ZDBF2: variants seen among roughly 807,000 people sequenced by gnomAD.
ZDBF2 encodes the protein DBF4-type zinc finger-containing protein 2.
Under a neutral mutation model 9.4 loss-of-function variants are expected in ZDBF2, and 6 were observed. The observed-to-expected ratio is 0.64, with a 90% confidence interval of 0.35 to 1.27. The LOEUF (loss-of-function observed/expected upper bound fraction) is 1.27, where lower values mean the gene tolerates loss of function less well. Ranked by LOEUF, ZDBF2 falls within the 50% of genes most tolerant of loss-of-function variation. The pLI is 0.03. For synonymous variants in ZDBF2, 905 were observed against 946.3 expected (o/e 0.96, Z 0.80); for missense variants, 2,697 against 2,766.8 (o/e 0.97, Z 0.57).
In ZDBF2 at chr2:206,310,820, G is replaced by A; in HGVS notation, c.6292G>A (p.Asp2098Asn). The A allele has an allele frequency of 6.2e-7, 1 of 1,614,014 alleles. No homozygotes were observed. The highest frequency in any genetic ancestry group is 8.5e-7 in the Non-Finnish European group (1 of 1,179,910). The change falls in exon 5 of 5, where the codon GAT becomes AAT. Residue 2098 changes from aspartate (D) to asparagine (N), a missense_variant. Coordinates refer to ENST00000374423, the MANE Select transcript of ZDBF2 (RefSeq NM_020923.3). Reference protein sequence around the residue: ...QNSSAGDNDADGQGSASAPLM... With the variant: ...QNSSAGDNDANGQGSASAPLM... Reference sequence around the variant, plus strand: ...CTCCAGTGCAGGAGATAATGATGCTGATGGACAAGGCTCTGCTTCAGCGCC... The same window carrying A: ...CTCCAGTGCAGGAGATAATGATGCTAATGGACAAGGCTCTGCTTCAGCGCC...
At chr2:206,279,345 G>A (rs988219376) in intron 1 of ZDBF2, among the ~76,000 whole-genome samples, 195 bp from the exon 2 acceptor site, 1 of 152,066 alleles carries the variant, frequency 6.6e-6, no homozygotes, top group African/African-American at 2.4e-5. Flanking sequence ...CAGTCACTGC[G>A]CCAGAACTTT....
Position 206,310,147 on chromosome 2 carries a change from A to T in ZDBF2, c.5619A>T (p.Lys1873Asn), listed in dbSNP as rs770933295. 6.8e-6 allele frequency: 11 copies of T among 1,613,468 alleles called. No homozygotes were observed. Among genetic ancestry groups the T allele is most frequent in the Non-Finnish European group, 9.3e-6 (11 of 1,179,734 alleles). ...CCAAAAAAGTTTCTTCGAAGGGGAA[A>T]AAAAAGGTTACCTGGGCTGACTTGC... ...CETKKVSSKG[K>N]KKVTWADLQG... Residue 1873 changes from lysine (K) to asparagine (N), a missense_variant, in exon 5 of 5, where the codon AAA (lysine) becomes AAT (asparagine). This residue lies in a region of ZDBF2 where 1,783 missense variants were observed against 1,776.5 expected (regional missense o/e 1.00). Coordinates refer to ENST00000374423, the MANE Select transcript of ZDBF2 (RefSeq NM_020923.3).
intron 4 of ZDBF2, among the ~76,000 whole-genome samples, chr2:206,300,368 G>A (rs958036521): frequency 1.3e-5 from 2 of 152,090 alleles, no homozygotes; most frequent in African/African-American, 2.4e-5. Flanking sequence ...TAGTTCCTCA[G>A]TTTGTCTTTG....
rs1574395185 is a variant in ZDBF2 at position 206,292,209 on chromosome 2, T to G, written c.61-5037T>G. 1.0e-5 allele frequency: 4 copies of G among 397,372 alleles called. No individual in the cohort carries two copies. In the East Asian group the frequency reaches 1.4e-4, roughly 14 times the overall value. 24.6% of individuals were successfully genotyped at this position (397,372 alleles called of 1,614,324 possible). A position where few individuals can be genotyped will look rare whatever the true frequency, so the allele number is the denominator to read the frequency against. On this transcript the variant is annotated intron_variant, in intron 3 of 4. Coordinates refer to ENST00000374423, the MANE Select transcript of ZDBF2 (RefSeq NM_020923.3). ...TGGGAGGGGAGTAAATGATGTTAAT[T>G]TCTAAGGACTTTGCATTGTTTATAA...
rs752565710 is a variant in ZDBF2 at position 206,306,255 on chromosome 2, C to T, written c.1727C>T (p.Ser576Leu). The T allele has an allele frequency of 8.1e-6, 13 of 1,613,358 alleles. 1 individual carries two copies. The highest frequency in any genetic ancestry group is 4.5e-5 in the East Asian group (2 of 44,882). The change falls in exon 5 of 5, where the codon TCG becomes TTG. Residue 576 changes from serine to leucine, a missense_variant. By Grantham distance (145) the Ser-to-Leu change is moderately radical. Around this residue, in one of 3 missense-constraint regions of ZDBF2, gnomAD observed 910 missense variants for 973.6 expected, o/e 0.93. Coordinates refer to ENST00000374423, the MANE Select transcript of ZDBF2 (RefSeq NM_020923.3). ...AHTSLVDNYG[S>L]SCSETSFDCD... is the part of the protein sequence containing the mutation. The stretch of plus-strand genomic sequence containing the variant: ...ACCAGCTTGGTTGATAACTATGGAT[C>T]GAGTTGTTCTGAAACAAGTTTTGAT...
At chr2:206,284,529 T>C (rs941424383) in intron 3 of ZDBF2, among the ~76,000 whole-genome samples, 5 of 152,206 alleles carry the variant, frequency 3.3e-5, no homozygotes, top group Non-Finnish European at 5.9e-5. Flanking sequence ...TATAGGACTT[T>C]AGAACAACTA....
intron 4 of ZDBF2, among the ~76,000 whole-genome samples, chr2:206,298,365 A>T (rs1226929075): frequency 7.2e-5 from 11 of 152,232 alleles, no homozygotes; most frequent in Non-Finnish European, 7.3e-5. Flanking sequence ...AGAAAAAGGG[A>T]TAAACTTCTT....
rs1559154210 is a variant in ZDBF2, at chr2:206,307,382, A to AGTG, written c.2855_2857dup (p.Ser952_Val953insGly). 6.2e-7 allele frequency: 1 copy of AGTG among 1,613,188 alleles called. No individual in the cohort carries two copies. On this transcript the variant is annotated inframe_insertion, in exon 5 of 5. Transcript: ENST00000374423. ...AGAGCACATGTACTTAGAAAATAAG[A>AGTG]GTGTTTTTGAAACAAGTTTGGATTC...
intron 4 of ZDBF2, among the ~76,000 whole-genome samples, chr2:206,303,627 A>G (rs1692616277): frequency 6.6e-6 from 1 of 152,172 alleles, no homozygotes; most frequent in South Asian, 2.1e-4. Context: ...TTGAATGGGA[A>G]ATACATATAC....
At position 206,278,332 on chromosome 2, in the gene ZDBF2, C is replaced by T. The variant is rs147653220; in HGVS notation, c.-102-1208C>T. On this transcript the variant is annotated intron_variant, in intron 1 of 4. Transcript: ENST00000374423. ...ATACTGACTCTTAACTTGGAGATTT[C>T]GGGAATTAAGTAATTCTCCAGTATT... Among the ~76,000 whole-genome samples the T allele has an allele frequency of 3.4e-3, 517 of 152,214 alleles. 3 individuals carry two copies. The highest frequency in any genetic ancestry group is 6.1e-3 in the Non-Finnish European group (412 of 68,006).
intron 3 of ZDBF2, among the ~76,000 whole-genome samples, chr2:206,282,406 G>A (rs1423480090): frequency 6.6e-6 from 1 of 152,162 alleles, no homozygotes; most frequent in Non-Finnish European, 1.5e-5. Flanking sequence ...AGAAGTAATA[G>A]GCAAAGAATT....
Position 206,305,158 on chromosome 2 carries a change from A to T in ZDBF2, c.630A>T (p.Ala210=). ...CTAATACAACTAGTTTACCACCAGC[A>T]GCTCATTTGGATTCAGTTAGCAAAT... ...VTANTTSLPP[A]AHLDSVSKCD... is the part of the protein sequence containing the mutation. Residue 210 remains alanine, a synonymous_variant, in exon 5 of 5, where the codon GCA becomes GCT. Coordinates refer to ENST00000374423, the MANE Select transcript of ZDBF2 (RefSeq NM_020923.3). 6.2e-7 allele frequency: 1 copy of T among 1,613,890 alleles called. No homozygotes were observed. The highest frequency in any genetic ancestry group is 2.2e-5 in the East Asian group (1 of 44,884).
In ZDBF2 at chr2:206,306,239, G is replaced by A; in HGVS notation, c.1711G>A (p.Val571Ile). 1 of 1,613,476 alleles carries A rather than the reference G, an allele frequency of 6.2e-7. No individual in the cohort carries two copies. The highest frequency in any genetic ancestry group is 1.1e-5 in the South Asian group (1 of 91,068). The change falls in exon 5 of 5, where the codon GTT becomes ATT. Residue 571 changes from valine to isoleucine, a missense_variant. Physicochemically the swap from Val to Ile is conservative, Grantham distance 29 (BLOSUM62 3). Transcript: ENST00000374423. ...KLRKKAHTSLVDNYGSSCSET... is the reference protein window; with the variant it reads ...KLRKKAHTSLIDNYGSSCSET... ...TCGGAAGAAGGCTCATACCAGCTTG[G>A]TTGATAACTATGGATCGAGTTGTTC...
intron 4 of ZDBF2, among the ~76,000 whole-genome samples, chr2:206,302,955 T>A (rs1692578685): frequency 6.6e-6 from 1 of 152,134 alleles, no homozygotes; most frequent in Non-Finnish European, 1.5e-5. Flanking sequence ...ATGGAAACAA[T>A]GAGGAAATAG....
Position 206,306,664 on chromosome 2 carries a change from T to G in ZDBF2, c.2136T>G (p.Ala712=). 1.2e-6 allele frequency: 2 copies of G among 1,613,866 alleles called. No homozygotes were observed. Among genetic ancestry groups the G allele is most frequent in the East Asian group, 2.2e-5 (1 of 44,886 alleles). ...CTTCTCTGAGTTCTGATTCTCCGGC[T>G]TCTCTTTATCATTCAGCTCATGATG... ...SRSSLSSDSP[A]SLYHSAHDEP... The change falls in exon 5 of 5, where the codon GCT becomes GCG. Residue 712 remains alanine (A), a synonymous_variant. Coordinates refer to ENST00000374423, the MANE Select transcript of ZDBF2 (RefSeq NM_020923.3).
chr2:206,301,834 A>AT (rs1341239490), intron 4 of ZDBF2, among the ~76,000 whole-genome samples: 1 of 150,170 alleles, frequency 6.7e-6, no homozygotes, highest in Non-Finnish European at 1.5e-5. Flanking sequence ...TTTGGTTGTT[A>AT]TCTTTTTCGT....
chr2:206,277,975 T>C (rs909868421), intron 1 of ZDBF2, among the ~76,000 whole-genome samples: 11 of 152,150 alleles, frequency 7.2e-5, no homozygotes, highest in African/African-American at 2.2e-4. Flanking sequence ...AAACATTCTA[T>C]TTTATTTTAC....
Position 206,312,190 on chromosome 2 carries a change from T to G in ZDBF2, c.*597T>G, listed in dbSNP as rs993582628. On this transcript the variant is annotated 3_prime_UTR_variant, in exon 5 of 5. Transcript: ENST00000374423. ...CTCTAACTTTTATCATTTGGACACA[T>G]GCACACATACAGTCTCTAGGTTTTT... The G allele has an allele frequency of 1.3e-5, 2 of 152,266 alleles. No individual in the cohort carries two copies. Among genetic ancestry groups the G allele is most frequent in the African/African-American group, 4.8e-5 (2 of 41,566 alleles). 9.4% of individuals were successfully genotyped at this position (152,266 alleles called of 1,614,324 possible).
At chr2:206,301,959 A>T (rs997284463) in intron 4 of ZDBF2, among the ~76,000 whole-genome samples, 1 of 151,732 alleles carries the variant, frequency 6.6e-6, no homozygotes, top group South Asian at 2.1e-4. Context: ...TAGATAATTT[A>T]AAAAATGTTT....
Sources: allele counts gnomAD v4.1 joint callset (sites outside exome capture counted in the v4.1 genomes callset), GRCh38; gene constraint gnomAD v4.1.1; regional missense constraint gnomAD v4.1.1; transcripts MANE v1.5; gene names NCBI Gene and HGNC (gene_info 2026-07-23, HGNC 2026-07-21).